Variants in CDH13 observed in about 807,000 individuals in gnomAD.
CDH13 encodes cadherin-13.
A neutral mutation model predicts 63.8 loss-of-function variants in CDH13; 24 were observed. That is an observed-to-expected ratio of 0.38 (90% CI 0.27 to 0.53). The LOEUF (loss-of-function observed/expected upper bound fraction) is 0.53. Among genes scored for constraint, CDH13 ranks in the 20% least tolerant of loss-of-function variants. The probability of loss-of-function intolerance (pLI) is 0.85; values close to 1 mark genes in which losing one functional copy is unlikely to be tolerated. For missense variants in CDH13, 1,049 were observed against 903.1 expected, an observed-to-expected ratio of 1.16 and a Z score of -2.07; for synonymous variants, 503 against 355.3, an observed-to-expected ratio of 1.42 and a Z score of -4.67.
intron 1 of CDH13, among the ~76,000 whole-genome samples, chr16:82,697,097 C>G (rs557608836): frequency 6.6e-6 from 1 of 152,278 alleles, no homozygotes; most frequent in African/African-American, 2.4e-5. Context: ...TTACTTTTAC[C>G]ATGCTATATC....
At chr16:82,974,764 GT>G (rs1180638162) in intron 2 of CDH13, among the ~76,000 whole-genome samples, 1 of 152,224 alleles carries the variant, frequency 6.6e-6, no homozygotes, top group East Asian at 1.9e-4. Flanking sequence ...GTCAAGGAAA[GT>G]GGGCAGCATG....
rs536018554 is a variant in CDH13, at chr16:83,164,749, A to G, written c.483+39248A>G. Among the ~76,000 whole-genome samples the G allele has an allele frequency of 2.0e-4, 30 of 150,826 alleles. 1 individual carries two copies. The South Asian group carries it at 6.1e-3, about 31-fold the overall frequency. Reference sequence around the variant, plus strand: ...AAAAGAAAAAAAAAATCATCGTTTTACTGATGATATTTACAATAACAGCTT... The same window carrying G: ...AAAAGAAAAAAAAAATCATCGTTTTGCTGATGATATTTACAATAACAGCTT... On this transcript the variant is annotated intron_variant, in intron 4 of 13. Transcript: ENST00000567109.
chr16:83,546,919 T>C (rs962350913), intron 7 of CDH13, among the ~76,000 whole-genome samples: 2 of 152,134 alleles, frequency 1.3e-5, no homozygotes, highest in African/African-American at 4.8e-5. Flanking sequence ...ACTTGCAAAA[T>C]GCAGAAATGA....
chr16:83,097,671 A>C (rs1238708542), intron 3 of CDH13, among the ~76,000 whole-genome samples: 3 of 152,218 alleles, frequency 2.0e-5, no homozygotes. Flanking sequence ...TTATGTGGGA[A>C]GTGCACTCTA....
intron 2 of CDH13, among the ~76,000 whole-genome samples, chr16:82,928,237 C>A (rs951712315): frequency 6.6e-6 from 1 of 151,956 alleles, no homozygotes; most frequent in South Asian, 2.1e-4. Context: ...CATATTATTT[C>A]TCATCATTGC....
chr16:82,910,617 C>T (rs984847318), intron 2 of CDH13, among the ~76,000 whole-genome samples: 49 of 152,200 alleles, frequency 3.2e-4, no homozygotes, highest in Non-Finnish European at 4.6e-4. Flanking sequence ...AAAATTCGTT[C>T]TGTCCTATAA....
At chr16:83,059,288 C>G (rs2031277009) in intron 3 of CDH13, among the ~76,000 whole-genome samples, 1 of 152,146 alleles carries the variant, frequency 6.6e-6, no homozygotes, top group African/African-American at 2.4e-5. Context: ...TCCCTACTGT[C>G]CATGGATTGA....
chr16:83,312,934 C>T (rs1306407926), intron 5 of CDH13, among the ~76,000 whole-genome samples: 1 of 152,148 alleles, frequency 6.6e-6, no homozygotes, highest in African/African-American at 2.4e-5. Flanking sequence ...TTAGATACAC[C>T]ATTCCAAAGC....
chr16:82,813,135 A>T (rs759230862), intron 1 of CDH13, among the ~76,000 whole-genome samples: 16 of 152,184 alleles, frequency 1.1e-4, no homozygotes, highest in Non-Finnish European at 2.1e-4. Context: ...TGCTGAAGTA[A>T]GCTGGAAATT....
chr16:83,585,076 A>G (rs140492130), intron 7 of CDH13, among the ~76,000 whole-genome samples: 2 of 152,144 alleles, frequency 1.3e-5, no homozygotes, highest in Non-Finnish European at 2.9e-5. Flanking sequence ...ACATATCCAA[A>G]CCGTATCAGA....
At chr16:82,999,055 G>A (rs80172392) in intron 2 of CDH13, among the ~76,000 whole-genome samples, 1 of 152,074 alleles carries the variant, frequency 6.6e-6, no homozygotes, top group African/African-American at 2.4e-5. Context: ...CGTTCCATCA[G>A]CAGAAACTTT....
intron 6 of CDH13, among the ~76,000 whole-genome samples, chr16:83,366,109 C>T (rs1434684243): frequency 6.6e-6 from 1 of 152,156 alleles, no homozygotes; most frequent in East Asian, 1.9e-4. Context: ...ATCTTACATA[C>T]CATTTAAGAG....
chr16:83,682,380 G>A (rs895957664), intron 10 of CDH13, among the ~76,000 whole-genome samples: 8 of 152,208 alleles, frequency 5.3e-5, no homozygotes, highest in Middle Eastern at 3.4e-3. Context: ...GTACAAGGTC[G>A]TTCATAAGTC....
chr16:82,975,922 C>T (rs563286058), intron 2 of CDH13, among the ~76,000 whole-genome samples: 3 of 152,190 alleles, frequency 2.0e-5, no homozygotes, highest in East Asian at 3.9e-4. Context: ...ATCTCTCCTC[C>T]AAGCGCTCTC....
intron 2 of CDH13, among the ~76,000 whole-genome samples, chr16:82,937,113 A>G (rs1481959134): frequency 6.6e-6 from 1 of 152,126 alleles, no homozygotes; most frequent in Non-Finnish European, 1.5e-5. Context: ...AATAGTAACT[A>G]GCATTAAACT....
chr16:82,785,612 A>G (rs77891184), intron 1 of CDH13, among the ~76,000 whole-genome samples: 6,680 of 152,288 alleles, frequency 0.044, 214 homozygotes, highest in Non-Finnish European at 0.069. Flanking sequence ...TTGTCTGTCT[A>G]CAATCTTGTA....
chr16:83,544,369 C>G (rs1394530180), intron 7 of CDH13, among the ~76,000 whole-genome samples: 1 of 152,098 alleles, frequency 6.6e-6, no homozygotes, highest in Admixed American at 6.6e-5. Context: ...TGCTCCTCAA[C>G]TTACGATGGG....
intron 3 of CDH13, among the ~76,000 whole-genome samples, chr16:83,071,490 C>T (rs1421526834): frequency 6.6e-6 from 1 of 152,186 alleles, no homozygotes; most frequent in African/African-American, 2.4e-5. Context: ...AGACCCTTTG[C>T]TCTCTGAGCA....
chr16:83,389,776 C>G (rs143056886), intron 6 of CDH13, among the ~76,000 whole-genome samples: 1 of 152,166 alleles, frequency 6.6e-6, no homozygotes, highest in Non-Finnish European at 1.5e-5. Context: ...TGAAGTGGTT[C>G]CACTTTGCCA....
Sources: allele counts gnomAD v4.1 joint callset (sites outside exome capture counted in the v4.1 genomes callset), GRCh38; gene constraint gnomAD v4.1.1; transcripts MANE v1.5; gene names NCBI Gene and HGNC (gene_info 2026-07-23, HGNC 2026-07-21).